The following HNRNPF variants were observed in gnomAD, a reference collection of about 807,000 sequenced individuals.
The protein encoded by HNRNPF is HnRNP F protein.
In HNRNPF, 2 loss-of-function variants were observed where a neutral mutation model predicts 26.0. The observed-to-expected ratio is 0.08, with a 90% CI of 0.03 to 0.24. The LOEUF (loss-of-function observed/expected upper bound fraction) is 0.24, where lower values mean the gene tolerates loss of function less well. Ranked by LOEUF, HNRNPF falls within the 10% of genes least tolerant of loss-of-function variation. HNRNPF has a pLI of 1.00. For synonymous variants in HNRNPF, 234 were observed against 211.5 expected, an observed-to-expected ratio of 1.11 and a Z score of -0.92; for missense variants, 299 against 539.2, an observed-to-expected ratio of 0.55 and a Z score of 4.41.
Position 43,387,085 on chromosome 10 carries a change from C to G in HNRNPF, c.800G>C (p.Cys267Ser). 6.2e-7 allele frequency: 1 copy of G among 1,613,330 alleles called. No homozygotes were observed. The change falls in exon 4 of 4, where the codon TGT becomes TCT. Residue 267 changes from cysteine to serine, a missense_variant. Coordinates refer to ENST00000682386, the MANE Select transcript of HNRNPF (RefSeq NM_001098204.2). This position sits in a 1 kb window ranked among gnomAD's most constrained non-coding sequence, Gnocchi z 6.0. ...TDLFGRDLSY[C>S]LSGMYDHRYG... ...TCTGTGGTCATACATTCCGGAGAGA[C>G]AGTAGCTGAGGTCTCTCCCGAACAG... is the stretch of plus-strand genomic sequence containing the variant.
chr10:43,399,646 G>A (rs887474441), intron 1 of HNRNPF, among the ~76,000 whole-genome samples: 1 of 152,202 alleles, frequency 6.6e-6, no homozygotes, highest in Non-Finnish European at 1.5e-5. Context: ...GGTGGGAAGA[G>A]ATACATGGAG....
intron 1 of HNRNPF, among the ~76,000 whole-genome samples, chr10:43,405,461 C>T (rs1400114720): frequency 6.6e-6 from 1 of 152,026 alleles, no homozygotes; most frequent in African/African-American, 2.4e-5. Flanking sequence ...TCGAGACCAT[C>T]CCTGCTAACA....
Position 43,387,710 on chromosome 10 carries a change from C to G in HNRNPF, c.175G>C (p.Val59Leu). The change falls in exon 4 of 4, where the codon GTT (valine) becomes CTT (leucine). Residue 59 changes from valine (V) to leucine (L), a missense_variant. Coordinates refer to ENST00000682386, the MANE Select transcript of HNRNPF (RefSeq NM_001098204.2). The surrounding 1 kb of genome is among the most constrained non-coding windows in gnomAD (Gnocchi z 6.0). ...REGRQSGEAF[V>L]ELGSEDDVKM... is the part of the protein sequence containing the mutation. ...ACATCATCTTCTGATCCAAGTTCAA[C>G]AAAAGCCTCACCACTCTGCCTGCCC... 6.2e-7 allele frequency: 1 copy of G among 1,614,128 alleles called. No individual in the cohort carries two copies.
At position 43,386,614 on chromosome 10, in the gene HNRNPF, T is replaced by G; in HGVS notation, c.*23A>C. On this transcript the variant is annotated 3_prime_UTR_variant, in exon 4 of 4. Coordinates refer to ENST00000682386, the MANE Select transcript of HNRNPF (RefSeq NM_001098204.2). ...TGGCTGCCTGTGAAAATGATTGAAG[T>G]AACTCAAATGTTCCTAACAAAACTA... The G allele has an allele frequency of 6.6e-7, 1 of 1,513,462 alleles. No individual in the cohort carries two copies. Among genetic ancestry groups the G allele is most frequent in the Non-Finnish European group, 8.8e-7 (1 of 1,135,130 alleles). 93.8% of individuals were successfully genotyped at this position (1,513,462 alleles called of 1,614,324 possible).
intron 1 of HNRNPF, among the ~76,000 whole-genome samples, chr10:43,397,607 C>T (rs1037809456): frequency 1.3e-5 from 2 of 152,100 alleles, no homozygotes; most frequent in African/African-American, 4.8e-5. Flanking sequence ...TTGGTTTGTA[C>T]ATTTGACCAT....
At chr10:43,399,298 G>T (rs752105914) in intron 1 of HNRNPF, among the ~76,000 whole-genome samples, 2 of 152,006 alleles carry the variant, frequency 1.3e-5, no homozygotes, top group African/African-American at 4.8e-5. Context: ...ATGATGCCCA[G>T]ACTGGTCTGT....
At chr10:43,395,680 C>T (rs1838461523) in intron 2 of HNRNPF, among the ~76,000 whole-genome samples, 1 of 152,188 alleles carries the variant, frequency 6.6e-6, no homozygotes, top group Non-Finnish European at 1.5e-5. Flanking sequence ...TTTCAAAAGG[C>T]TTCAACAATC....
At chr10:43,399,439 C>G (rs552550860) in intron 1 of HNRNPF, among the ~76,000 whole-genome samples, 1 of 152,104 alleles carries the variant, frequency 6.6e-6, no homozygotes, top group Non-Finnish European at 1.5e-5. Flanking sequence ...TGTGAGGGAA[C>G]AATGTGTGCA....
chr10:43,391,153 C>T (rs868007314), intron 3 of HNRNPF, among the ~76,000 whole-genome samples: 23 of 151,986 alleles, frequency 1.5e-4, no homozygotes, highest in African/African-American at 5.1e-4. Flanking sequence ...ACTAGCCGGG[C>T]GTGATGGTGG....
intron 1 of HNRNPF, among the ~76,000 whole-genome samples, chr10:43,404,301 TAAAA>T (rs5784599): frequency 3.0e-5 from 4 of 135,318 alleles, no homozygotes; most frequent in Admixed American, 7.4e-5. Context: ...AATCCGTCTA[TAAAA>T]AAAAAAAAAA....
At chr10:43,403,406 C>A (rs1838813686) in intron 1 of HNRNPF, among the ~76,000 whole-genome samples, 1 of 152,214 alleles carries the variant, frequency 6.6e-6, no homozygotes. Context: ...TTTACACTTA[C>A]ATCTACAATG....
chr10:43,394,529 G>A (rs761012119), intron 3 of HNRNPF, 101 bp downstream of exon 3: 1 of 152,162 alleles, frequency 6.6e-6, no homozygotes, highest in African/African-American at 2.4e-5. Flanking sequence ...CAAGGTTAAT[G>A]TTAGGGACAA....
At chr10:43,392,745 G>A (rs17153617) in intron 3 of HNRNPF, among the ~76,000 whole-genome samples, 12,616 of 152,092 alleles carry the variant, frequency 0.083, 924 homozygotes, top group African/African-American at 0.19. Context: ...TAGGGAATCA[G>A]GCTTGGGCCC....
chr10:43,397,659 AT>A (rs1013650033), intron 1 of HNRNPF, among the ~76,000 whole-genome samples: 4 of 152,196 alleles, frequency 2.6e-5, no homozygotes, highest in Admixed American at 6.5e-5. Context: ...TTGAAAAAAA[AT>A]TTTTTTAACG....
chr10:43,388,040 T>C (rs1363914482), intron 3 of HNRNPF, 104 bp from the exon 4 acceptor site: 10 of 621,672 alleles, frequency 1.6e-5, no homozygotes, highest in South Asian at 2.2e-5. Context: ...CCAAATACAA[T>C]TGAGAGCTAA....
At chr10:43,408,862 T>A in intron 1 of HNRNPF, 1 of 152,304 alleles carries the variant, frequency 6.6e-6, no homozygotes, top group Non-Finnish European at 1.5e-5. Context: ...ACCATCACCA[T>A]GGAAACCCCC....
chr10:43,387,324 G>C lies in HNRNPF; in HGVS notation c.561C>G (p.Ser187Arg). 14 of 1,614,174 alleles carry C rather than the reference G, an allele frequency of 8.7e-6. No homozygotes were observed. Among genetic ancestry groups the C allele is most frequent in the Non-Finnish European group, 1.2e-5 (14 of 1,180,032 alleles). The change falls in exon 4 of 4, where the codon AGC becomes AGG. Residue 187 changes from serine to arginine, a missense_variant. By Grantham distance (110) the Ser-to-Arg change is moderately radical. This residue lies in a region of HNRNPF where 17 missense variants were observed against 16.1 expected (regional missense o/e 1.05). Coordinates refer to ENST00000682386, the MANE Select transcript of HNRNPF (RefSeq NM_001098204.2). This position sits in a 1 kb window ranked among gnomAD's most constrained non-coding sequence, Gnocchi z 6.0. ...GHRYIEVFKS[S>R]QEEVRSYSDP... The stretch of plus-strand genomic sequence containing the variant: ...CTGAGTATGACCTAACTTCCTCCTG[G>C]CTGCTCTTAAACACCTCAATGTACC...
rs1837998093 is a variant in HNRNPF at position 43,385,738 on chromosome 10, G to A, written c.*899C>T. The A allele has an allele frequency of 6.6e-6, 1 of 152,240 alleles. No homozygotes were observed. 9.4% of individuals were successfully genotyped at this position (152,240 alleles called of 1,614,324 possible). A position where few individuals can be genotyped will look rare whatever the true frequency, so the allele number is the denominator to read the frequency against. Reference sequence around the variant, plus strand: ...TGACTCCAGCATCAAGGGCCTAGCAGGAAAATTCTGAATGGTTTACAACAG... The same window carrying A: ...TGACTCCAGCATCAAGGGCCTAGCAAGAAAATTCTGAATGGTTTACAACAG... On this transcript the variant is annotated 3_prime_UTR_variant, in exon 4 of 4. Transcript: ENST00000682386.
chr10:43,402,423 T>C (rs1462029156), intron 1 of HNRNPF, among the ~76,000 whole-genome samples: 1 of 152,216 alleles, frequency 6.6e-6, no homozygotes, highest in Non-Finnish European at 1.5e-5. Flanking sequence ...TCTGTGTCTT[T>C]TTCTCCTTCT....
Sources: gnomAD v4.1 joint callset for allele counts (sites outside exome capture counted in the v4.1 genomes callset) on GRCh38, gnomAD v4.1.1 for gene constraint, gnomAD v4.1.1 regional missense constraint, Gnocchi (gnomAD v3.1) non-coding constraint, MANE v1.5 for transcripts, NCBI Gene and HGNC (gene_info 2026-07-23, HGNC 2026-07-21) for gene names.